KAZN: variants seen among roughly 807,000 people sequenced by gnomAD.
The protein encoded by KAZN is kazrin.
KAZN carries 40 observed loss-of-function variants against 87.4 expected under a neutral mutation model. The observed-to-expected ratio is 0.46, with a 90% CI of 0.36 to 0.60. KAZN has a LOEUF of 0.60. Ranked by LOEUF, KAZN falls within the 20% of genes least tolerant of loss-of-function variation. The pLI is 0.00. For missense variants in KAZN, 898 were observed against 1,073.9 expected, an observed-to-expected ratio of 0.84 and a Z score of 2.29; for synonymous variants, 466 against 458.3, an observed-to-expected ratio of 1.02 and a Z score of -0.22.
intron 1 of KAZN, among the ~76,000 whole-genome samples, chr1:14,935,145 G>C (rs565276093): frequency 1.3e-5 from 2 of 152,370 alleles, no homozygotes; most frequent in Admixed American, 6.5e-5. Flanking sequence ...TGCAGGGACA[G>C]AGGCTACCCC....
intron 2 of KAZN, among the ~76,000 whole-genome samples, chr1:14,183,410 C>A (rs1184453606): frequency 6.6e-6 from 1 of 152,112 alleles, no homozygotes; most frequent in Non-Finnish European, 1.5e-5. Flanking sequence ...ATGGAGGTGT[C>A]TGAAGAGGCC....
chr1:14,952,721 T>C lies in KAZN; in HGVS notation c.227-7963T>C, dbSNP rs957104682. On this transcript the variant is annotated intron_variant, in intron 1 of 14. Transcript: ENST00000376030. ...GATGGCTCAGCCTTCAGCACATTCA[T>C]CTCTGCTGTTTCATCCACCTTCCTG... 4.6e-5 allele frequency among the ~76,000 whole-genome samples: 7 copies of C among 152,140 alleles called. No homozygotes were observed. The East Asian group carries it at 1.4e-3, about 29-fold the overall frequency.
At chr1:13,969,659 C>T (rs1389427682) in intron 1 of KAZN, among the ~76,000 whole-genome samples, 1 of 152,092 alleles carries the variant, frequency 6.6e-6, no homozygotes, top group Non-Finnish European at 1.5e-5. Context: ...GCTTGGAGTG[C>T]CCTTTCCCCA....
At chr1:14,894,413 A>G (rs972907433) in intron 1 of KAZN, among the ~76,000 whole-genome samples, 3 of 152,166 alleles carry the variant, frequency 2.0e-5, no homozygotes, top group African/African-American at 7.2e-5. Context: ...TTCCCCATTT[A>G]CAGAAATGGG....
At chr1:14,764,377 C>CG (rs1644828815) in intron 1 of KAZN, among the ~76,000 whole-genome samples, 1 of 119,574 alleles carries the variant, frequency 8.4e-6, no homozygotes. Context: ...TCCCGACCCC[C>CG]TCCCCCACAC....
chr1:14,871,145 C>T (rs1204769760), intron 1 of KAZN, among the ~76,000 whole-genome samples: 1 of 152,218 alleles, frequency 6.6e-6, no homozygotes, highest in African/African-American at 2.4e-5. Flanking sequence ...GACCCTCCAC[C>T]ACCACACGGC....
At chr1:14,341,659 G>A (rs1274405033) in intron 2 of KAZN, among the ~76,000 whole-genome samples, 2 of 152,042 alleles carry the variant, frequency 1.3e-5, no homozygotes, top group Non-Finnish European at 2.9e-5. Flanking sequence ...CTTTTATTCA[G>A]ATGCCACCTC....
At chr1:14,776,209 G>C (rs898718411) in intron 1 of KAZN, among the ~76,000 whole-genome samples, 8 of 152,156 alleles carry the variant, frequency 5.3e-5, no homozygotes, top group Admixed American at 3.3e-4. Flanking sequence ...TCACCGTGTT[G>C]GCCAGGCTAG....
chr1:15,036,966 G>A (rs1338842333), intron 3 of KAZN, among the ~76,000 whole-genome samples: 2 of 152,180 alleles, frequency 1.3e-5, no homozygotes, highest in Admixed American at 6.5e-5. Flanking sequence ...GCGATGGCAG[G>A]GCAGGGGCTT....
chr1:14,298,027 C>A (rs777972711), intron 2 of KAZN, among the ~76,000 whole-genome samples: 1 of 152,060 alleles, frequency 6.6e-6, no homozygotes, highest in African/African-American at 2.4e-5. Flanking sequence ...GAGTTAGAGA[C>A]CAGCCTGGGT....
chr1:14,606,884 C>T (rs1677409001), intron 1 of KAZN, among the ~76,000 whole-genome samples: 1 of 152,114 alleles, frequency 6.6e-6, no homozygotes, highest in African/African-American at 2.4e-5. Context: ...CAGAAGTTGC[C>T]AAATGTCCCC....
At chr1:14,415,753 T>G (rs193136247) in intron 2 of KAZN, among the ~76,000 whole-genome samples, 1 of 152,270 alleles carries the variant, frequency 6.6e-6, no homozygotes, top group East Asian at 1.9e-4. Flanking sequence ...TTGCCTTCCC[T>G]TCCCTTCCCT....
At chr1:14,972,791 A>T (rs530590925) in intron 2 of KAZN, among the ~76,000 whole-genome samples, 7 of 152,258 alleles carry the variant, frequency 4.6e-5, no homozygotes, top group Non-Finnish European at 7.4e-5. Context: ...CTGGGATTAC[A>T]GGCGGGAGCC....
chr1:14,322,312 G>A (rs972177588), intron 2 of KAZN, among the ~76,000 whole-genome samples: 3 of 152,004 alleles, frequency 2.0e-5, no homozygotes, highest in African/African-American at 7.2e-5. Flanking sequence ...AAACAATGAC[G>A]TGGCATTCTC....
chr1:14,587,151 AG>A (rs1174080911), intron 2 of KAZN, among the ~76,000 whole-genome samples: 1 of 152,130 alleles, frequency 6.6e-6, no homozygotes, highest in Admixed American at 6.5e-5. Flanking sequence ...AATTGACAAA[AG>A]GGGCCAGGCG....
chr1:14,117,329 T>C (rs1158895004), intron 1 of KAZN, among the ~76,000 whole-genome samples: 1 of 152,162 alleles, frequency 6.6e-6, no homozygotes, highest in Non-Finnish European at 1.5e-5. Context: ...CTTCTTGTGA[T>C]AGTGAATAAG....
intron 2 of KAZN, among the ~76,000 whole-genome samples, chr1:14,204,272 C>G (rs916237820): frequency 1.3e-5 from 2 of 152,194 alleles, no homozygotes; most frequent in African/African-American, 2.4e-5. Flanking sequence ...TATTCTTTCT[C>G]CTCACAAACA....
chr1:14,639,577 G>A (rs1297982231), intron 1 of KAZN, among the ~76,000 whole-genome samples: 6 of 152,104 alleles, frequency 3.9e-5, no homozygotes, highest in Non-Finnish European at 7.4e-5. Context: ...GAAGGTTCAC[G>A]GGAGAGGCCG....
chr1:15,078,194 T>C (rs2137643), intron 8 of KAZN, among the ~76,000 whole-genome samples: 49,215 of 151,808 alleles, frequency 0.32, 9,855 homozygotes, highest in East Asian at 0.9. Context: ...GTGGGCAGAT[T>C]ACTTGAGGCT....
Sources: allele counts gnomAD v4.1 joint callset (sites outside exome capture counted in the v4.1 genomes callset), GRCh38; gene constraint gnomAD v4.1.1; transcripts MANE v1.5; gene names NCBI Gene and HGNC (gene_info 2026-07-23, HGNC 2026-07-21).